SPEN: variants seen among roughly 807,000 people sequenced by gnomAD.
The protein encoded by SPEN is msx2-interacting protein.
In SPEN, 18 loss-of-function variants were observed where a neutral mutation model predicts 269.9. The observed-to-expected ratio is 0.07, with a 90% CI of 0.05 to 0.10. SPEN has a LOEUF of 0.10. Ranked by LOEUF, SPEN falls within the 10% of genes least tolerant of loss-of-function variation. The probability of loss-of-function intolerance (pLI) is 1.00; values close to 1 mark genes in which losing one functional copy is unlikely to be tolerated. For synonymous variants in SPEN, 1,726 were observed against 1,765.7 expected (o/e 0.98, Z 0.56); for missense variants, 3,822 against 4,631.2 (o/e 0.83, Z 5.07).
intron 1 of SPEN, among the ~76,000 whole-genome samples, chr1:15,859,148 TTTTTTTTTAATTAAGAGA>T (rs1346593512): frequency 2.0e-5 from 3 of 149,840 alleles, no homozygotes; most frequent in Non-Finnish European, 4.4e-5. Flanking sequence ...TAGTTTTTTT[TTTTTTTTTAATTAAGAGA>T]TGGGGTCTGA....
intron 1 of SPEN, among the ~76,000 whole-genome samples, chr1:15,854,825 G>C (rs143842572): frequency 6.6e-6 from 1 of 152,184 alleles, no homozygotes; most frequent in African/African-American, 2.4e-5. Flanking sequence ...TTTTTAGTGT[G>C]TGGAAATATG....
chr1:15,910,127 A>AT (rs2070998994), intron 4 of SPEN, among the ~76,000 whole-genome samples: 1 of 126,244 alleles, frequency 7.9e-6, no homozygotes, highest in Non-Finnish European at 1.6e-5. Flanking sequence ...CTGTCTCTAA[A>AT]AAAAAAAAAA....
rs773449933 is a variant in SPEN, at chr1:15,930,690, G to A, written c.4450G>A (p.Asp1484Asn). The A allele has an allele frequency of 6.2e-7, 1 of 1,614,010 alleles. No individual in the cohort carries two copies. The highest frequency in any genetic ancestry group is 8.5e-7 in the Non-Finnish European group (1 of 1,180,018). ...AAACAACAAAGATAAAGAAAAGGTT[G>A]ACTCTGCTCCAAGACCTATTCCATC... The part of the protein sequence containing the change: ...FRNNKDKEKV[D>N]SAPRPIPSWY... Residue 1484 changes from aspartate to asparagine, a missense_variant, in exon 11 of 15, where the codon GAC (aspartate) becomes AAC (asparagine). By Grantham distance (23) the Asp-to-Asn change is conservative. Coordinates refer to ENST00000375759, the MANE Select transcript of SPEN (RefSeq NM_015001.3). This position sits in a 1 kb window ranked among gnomAD's most constrained non-coding sequence, Gnocchi z 5.3.
intron 3 of SPEN, among the ~76,000 whole-genome samples, chr1:15,894,547 T>G (rs942650636): frequency 2.0e-5 from 3 of 146,602 alleles, no homozygotes; most frequent in East Asian, 2.0e-4. Context: ...TTTTTTTTTT[T>G]TTTTTTTTTT....
Position 15,930,826 on chromosome 1 carries a change from G to T in SPEN, c.4586G>T (p.Arg1529Leu), listed in dbSNP as rs1387656709. Residue 1529 changes from arginine to leucine, a missense_variant, in exon 11 of 15, where the codon CGT (arginine) becomes CTT (leucine). Arg to Leu is a moderately radical substitution (Grantham distance 102). Around this residue, in one of 16 missense-constraint regions of SPEN, gnomAD observed 533 missense variants for 618.8 expected, o/e 0.86. Coordinates refer to ENST00000375759, the MANE Select transcript of SPEN (RefSeq NM_015001.3). This position sits in a 1 kb window ranked among gnomAD's most constrained non-coding sequence, Gnocchi z 5.3. ...EQERQELFAS[R>L]FLHSSIFEQD... ...GAGAGGCAGGAATTGTTTGCTTCTCGTTTTTTACACAGCTCAATCTTTGAA... is the reference window on the plus strand; with the variant it reads ...GAGAGGCAGGAATTGTTTGCTTCTCTTTTTTTACACAGCTCAATCTTTGAA... 6.2e-7 allele frequency: 1 copy of T among 1,614,114 alleles called. No homozygotes were observed. Among genetic ancestry groups the T allele is most frequent in the Non-Finnish European group, 8.5e-7 (1 of 1,180,034 alleles).
intron 6 of SPEN, among the ~76,000 whole-genome samples, chr1:15,918,526 A>T (rs2071087630): frequency 2.0e-5 from 3 of 152,248 alleles, no homozygotes; most frequent in Non-Finnish European, 2.9e-5. Context: ...GCCAGATATC[A>T]TATTTTAAAT....
At chr1:15,884,986 C>T (rs1034387966) in intron 3 of SPEN, among the ~76,000 whole-genome samples, 2 of 152,170 alleles carry the variant, frequency 1.3e-5, no homozygotes, top group African/African-American at 4.8e-5. Context: ...CTGCCTCCGC[C>T]TCCCAAAGTG....
Position 15,872,980 on chromosome 1 carries a change from C to T in SPEN, c.248C>T (p.Thr83Ile), listed in dbSNP as rs2070596511. The stretch of plus-strand genomic sequence containing the variant: ...CGCACGGATTATAATGAACCAGGCA[C>T]CATCCCGAGTGCTGCTCGGGGATTG... Reference protein sequence around the residue: ...DLRTDYNEPGTIPSAARGLDD... With the variant: ...DLRTDYNEPGIIPSAARGLDD... Residue 83 changes from threonine (T) to isoleucine (I), a missense_variant, in exon 2 of 15, where the codon ACC becomes ATC. Physicochemically the swap from Thr to Ile is moderately conservative, Grantham distance 89. Coordinates refer to ENST00000375759, the MANE Select transcript of SPEN (RefSeq NM_015001.3). The T allele has an allele frequency of 3.1e-6, 5 of 1,613,962 alleles. No individual in the cohort carries two copies. Among genetic ancestry groups the T allele is most frequent in the Non-Finnish European group, 4.2e-6 (5 of 1,180,026 alleles).
In SPEN at chr1:15,928,589, G is replaced by A; in HGVS notation, c.2349G>A (p.Glu783=). Residue 783 remains glutamate, a synonymous_variant, in exon 11 of 15, where the codon GAG becomes GAA. Coordinates refer to ENST00000375759, the MANE Select transcript of SPEN (RefSeq NM_015001.3). This position sits in a 1 kb window ranked among gnomAD's most constrained non-coding sequence, Gnocchi z 5.7. ...AGAAACTGGACAAGTCTCGTTTGGA[G>A]CGCTATACAAAAAATGAAAAGACAG... ...RYEKLDKSRL[E]RYTKNEKTDK... 6.2e-7 allele frequency: 1 copy of A among 1,614,164 alleles called. No individual in the cohort carries two copies. Among genetic ancestry groups the A allele is most frequent in the Non-Finnish European group, 8.5e-7 (1 of 1,180,040 alleles).
In SPEN at chr1:15,850,066, C is replaced by T. The variant is rs537545090; in HGVS notation, c.83+1916C>T. On this transcript the variant is annotated intron_variant, in intron 1 of 14. Coordinates refer to ENST00000375759, the MANE Select transcript of SPEN (RefSeq NM_015001.3). The stretch of plus-strand genomic sequence containing the variant: ...AGAAGAAAGAGGAAATCGTCCCAGG[C>T]AGCTTTGGAAGGGTTCTTAGTGGAC... 4.6e-5 allele frequency among the ~76,000 whole-genome samples: 7 copies of T among 152,252 alleles called. No individual in the cohort carries two copies. The South Asian group carries it at 1.2e-3, about 27-fold the overall frequency.
At chr1:15,922,372 T>G in intron 10 of SPEN, 23 bp downstream of exon 10, 1 of 1,517,150 alleles carries the variant, frequency 6.6e-7, no homozygotes. Flanking sequence ...AACTTACCAG[T>G]GTAGCTTGAG....
chr1:15,912,323 C>T (rs1462347963), intron 5 of SPEN, among the ~76,000 whole-genome samples: 1 of 152,112 alleles, frequency 6.6e-6, no homozygotes, highest in Non-Finnish European at 1.5e-5. Context: ...AGTTTGGGAA[C>T]CCCTGATTTA....
At chr1:15,885,427 A>C (rs2070727785) in intron 3 of SPEN, among the ~76,000 whole-genome samples, 1 of 152,218 alleles carries the variant, frequency 6.6e-6, no homozygotes, top group African/African-American at 2.4e-5. Context: ...TTTCTTTTTA[A>C]GCATACAAGA....
intron 1 of SPEN, among the ~76,000 whole-genome samples, chr1:15,849,217 C>G (rs953005765): frequency 6.6e-6 from 1 of 152,138 alleles, no homozygotes; most frequent in Non-Finnish European, 1.5e-5. Context: ...ACAGTTTATT[C>G]CGATATTTAA....
At position 15,929,311 on chromosome 1, in the gene SPEN, C is replaced by G; in HGVS notation, c.3071C>G (p.Ser1024Cys). 1 of 1,614,084 alleles carries G rather than the reference C, an allele frequency of 6.2e-7. No homozygotes were observed. The highest frequency in any genetic ancestry group is 1.3e-5 in the African/African-American group (1 of 75,026). The change falls in exon 11 of 15, where the codon TCT (serine) becomes TGT (cysteine). Residue 1024 changes from serine (S) to cysteine (C), a missense_variant. By Grantham distance (112) the Ser-to-Cys change is moderately radical. Coordinates refer to ENST00000375759, the MANE Select transcript of SPEN (RefSeq NM_015001.3). The surrounding 1 kb of genome is among the most constrained non-coding windows in gnomAD (Gnocchi z 5.8). ...TCAAAAAAGCAGCCTGACGTGTCCT[C>G]TAGAGAGGTCATTCTGCTGAGGGAA... Reference protein sequence around the residue: ...VLSKKQPDVSSREVILLREGE... With the variant: ...VLSKKQPDVSCREVILLREGE...
At chr1:15,926,106 A>ATATTATTATATGTACT (rs2071163567) in intron 10 of SPEN, among the ~76,000 whole-genome samples, 1 of 152,160 alleles carries the variant, frequency 6.6e-6, no homozygotes, top group African/African-American at 2.4e-5. Context: ...ATATAAGTAC[A>ATATTATTATATGTACT]TATAATAGGC....
chr1:15,938,457 GCTT>G lies in SPEN; in HGVS notation c.10705-258_10705-256del. ...AAGTGAGCAATGAAGGGTCCACTAT[GCTT>G]CTACTTGGTGGGGGGATGTAAAGTA... On this transcript the variant is annotated intron_variant, in intron 13 of 14. Coordinates refer to ENST00000375759, the MANE Select transcript of SPEN (RefSeq NM_015001.3). 7 of 374,516 alleles carry G rather than the reference GCTT, an allele frequency of 1.9e-5. No homozygotes were observed. The South Asian group carries it at 2.6e-4, about 14-fold the overall frequency. The allele number at this position is 374,516 out of a possible 1,614,324, so 23.2% of individuals were successfully genotyped here.
In SPEN at chr1:15,849,910, C is replaced by A. The variant is rs1414850701; in HGVS notation, c.83+1760C>A. ...ATTCGTATGCACCGATGTACAAGCA[C>A]GTGCATTGCAGCATTCGCTCGCTCC... is the stretch of plus-strand genomic sequence containing the variant. On this transcript the variant is annotated intron_variant, in intron 1 of 14. Transcript: ENST00000375759. Among the ~76,000 whole-genome samples, 4 of 152,168 alleles carry A rather than the reference C, an allele frequency of 2.6e-5. No homozygotes were observed. In the East Asian group the frequency reaches 7.7e-4, roughly 29 times the overall value.
intron 3 of SPEN, among the ~76,000 whole-genome samples, chr1:15,905,960 A>G (rs1249674955): frequency 6.6e-6 from 1 of 152,182 alleles, no homozygotes; most frequent in African/African-American, 2.4e-5. Context: ...AATTTGGTGT[A>G]TATAATATTG....
Sources: gnomAD v4.1 joint callset for allele counts (sites outside exome capture counted in the v4.1 genomes callset) on GRCh38, gnomAD v4.1.1 for gene constraint, gnomAD v4.1.1 regional missense constraint, Gnocchi (gnomAD v3.1) non-coding constraint, MANE v1.5 for transcripts, NCBI Gene and HGNC (gene_info 2026-07-23, HGNC 2026-07-21) for gene names.